Variants in HECW2 observed in about 807,000 individuals in gnomAD.
The protein encoded by HECW2 is E3 ubiquitin-protein ligase HECW2.
Under a neutral mutation model 175.2 loss-of-function variants are expected in HECW2, and 61 were observed. The ratio of observed to expected loss-of-function variants is 0.35; its 90% CI spans 0.28 to 0.43. HECW2 has a LOEUF of 0.43. HECW2 is among the 20% of genes least tolerant of loss of function. The pLI, the probability that HECW2 is intolerant of heterozygous loss-of-function variation, is 1.00. For missense variants in HECW2, 1,524 were observed against 2,000.5 expected (o/e 0.76, Z 4.54); for synonymous variants, 671 against 731.0 (o/e 0.92, Z 1.32).
intron 1 of HECW2, among the ~76,000 whole-genome samples, chr2:196,589,413 C>T (rs1691101692): frequency 6.6e-6 from 1 of 152,138 alleles, no homozygotes; most frequent in African/African-American, 2.4e-5. Flanking sequence ...CTTCATATAT[C>T]TAAGTTGGGT....
At chr2:196,400,528 A>G (rs1410787892) in intron 2 of HECW2, among the ~76,000 whole-genome samples, 3 of 152,224 alleles carry the variant, frequency 2.0e-5, no homozygotes, top group East Asian at 3.8e-4. Context: ...ATGTGCTTTC[A>G]AAGAGGTTAT....
chr2:196,231,270 G>A (rs1023708027), intron 21 of HECW2, among the ~76,000 whole-genome samples: 2 of 152,074 alleles, frequency 1.3e-5, no homozygotes, highest in African/African-American at 2.4e-5. Context: ...GACTAAGGCC[G>A]AAAGAGATCA....
chr2:196,324,241 A>C (rs896134564), intron 6 of HECW2, among the ~76,000 whole-genome samples: 3 of 152,178 alleles, frequency 2.0e-5, no homozygotes, highest in African/African-American at 7.2e-5. Context: ...CATGCCTCAG[A>C]TCTCCAAGAA....
At chr2:196,400,416 G>C (rs1434305011) in intron 2 of HECW2, among the ~76,000 whole-genome samples, 1 of 152,166 alleles carries the variant, frequency 6.6e-6, no homozygotes, top group Non-Finnish European at 1.5e-5. Flanking sequence ...TTTTGCTCTT[G>C]AGTGAAAAGA....
At chr2:196,416,070 T>G (rs1224923776) in intron 2 of HECW2, among the ~76,000 whole-genome samples, 1 of 152,218 alleles carries the variant, frequency 6.6e-6, no homozygotes, top group African/African-American at 2.4e-5. Context: ...CTTTTCTTAC[T>G]AGAGATATTA....
At chr2:196,239,045 T>C (rs1019716729) in intron 21 of HECW2, 4 of 152,214 alleles carry the variant, frequency 2.6e-5, no homozygotes, top group Admixed American at 6.5e-5. Context: ...ATACTTGGAA[T>C]CTCATGCATA....
chr2:196,582,397 T>C (rs1049074820), intron 1 of HECW2, among the ~76,000 whole-genome samples: 15 of 152,332 alleles, frequency 9.8e-5, no homozygotes, highest in Admixed American at 5.9e-4. Flanking sequence ...TGATCCTAGC[T>C]TGAGGATGCC....
At chr2:196,590,066 C>G (rs1691129054) in intron 1 of HECW2, among the ~76,000 whole-genome samples, 1 of 151,906 alleles carries the variant, frequency 6.6e-6, no homozygotes, top group African/African-American at 2.4e-5. Context: ...AAATAAAAGA[C>G]TGAAATAAGG....
chr2:196,225,435 A>T (rs16847560), intron 23 of HECW2, among the ~76,000 whole-genome samples: 12,020 of 152,256 alleles, frequency 0.079, 1,091 homozygotes, highest in African/African-American at 0.21. Context: ...AACCCACAAC[A>T]ATTCTATTAA....
At chr2:196,307,818 C>A (rs375632490) in intron 11 of HECW2, 117 bp downstream of exon 11, 10 of 974,192 alleles carry the variant, frequency 1.0e-5, no homozygotes, top group Middle Eastern at 4.6e-4. Flanking sequence ...GTAACAGCTA[C>A]ACTTTAACGA....
In HECW2 at chr2:196,321,769, G is replaced by T. The variant is rs112109601; in HGVS notation, c.884+709C>A. On this transcript the variant is annotated intron_variant, in intron 7 of 28. Transcript: ENST00000644978. ...ATCACTCCACCTCTGCCCTCTAATGGCTATTTCAGAAGGAAGATACAATGT... is the reference window on the plus strand; with the variant it reads ...ATCACTCCACCTCTGCCCTCTAATGTCTATTTCAGAAGGAAGATACAATGT... 1.4e-3 allele frequency among the ~76,000 whole-genome samples: 212 copies of T among 152,168 alleles called. 1 individual carries two copies. The highest frequency in any genetic ancestry group is 4.9e-3 in the African/African-American group (202 of 41,520).
At chr2:196,362,752 A>G (rs1167005946) in intron 2 of HECW2, among the ~76,000 whole-genome samples, 2 of 152,228 alleles carry the variant, frequency 1.3e-5, no homozygotes, top group Non-Finnish European at 2.9e-5. Context: ...GAGTTGGGGT[A>G]GGGAAATCCC....
intron 19 of HECW2, among the ~76,000 whole-genome samples, chr2:196,250,059 A>G (rs928240286): frequency 6.6e-6 from 1 of 152,230 alleles, no homozygotes; most frequent in African/African-American, 2.4e-5. Flanking sequence ...GCAGTCTTCA[A>G]GTGCATGCCT....
chr2:196,372,357 G>A (rs1049273858), intron 2 of HECW2, among the ~76,000 whole-genome samples: 8 of 152,224 alleles, frequency 5.3e-5, no homozygotes, highest in African/African-American at 1.9e-4. Context: ...GACCTGCACT[G>A]TGAACAGTAT....
intron 1 of HECW2, among the ~76,000 whole-genome samples, chr2:196,545,132 A>G (rs191667261): frequency 1.3e-4 from 20 of 152,342 alleles, no homozygotes; most frequent in African/African-American, 4.6e-4. Context: ...AAGTCAAATA[A>G]TAGAGTGACA....
At chr2:196,406,601 C>T (rs1298862853) in intron 2 of HECW2, among the ~76,000 whole-genome samples, 6 of 152,202 alleles carry the variant, frequency 3.9e-5, no homozygotes, top group Non-Finnish European at 8.8e-5. Context: ...ACCCAAACTC[C>T]TTATGTTGGT....
intron 1 of HECW2, among the ~76,000 whole-genome samples, chr2:196,512,817 G>A (rs1575620370): frequency 6.6e-6 from 1 of 151,960 alleles, no homozygotes; most frequent in East Asian, 1.9e-4. Context: ...AGTCTCCCAA[G>A]TACCTGGGAT....
intron 2 of HECW2, among the ~76,000 whole-genome samples, chr2:196,405,175 C>G (rs894502933): frequency 2.6e-5 from 4 of 152,056 alleles, no homozygotes; most frequent in Admixed American, 2.6e-4. Context: ...GTCTCCCCTT[C>G]CACTGTACTC....
intron 2 of HECW2, among the ~76,000 whole-genome samples, 181 bp from the exon 3 acceptor site, chr2:196,343,945 G>A (rs1028651842): frequency 3.3e-5 from 5 of 152,124 alleles, no homozygotes; most frequent in African/African-American, 4.8e-5. Context: ...CATTTATGTG[G>A]GAGAAAGAAG....
Sources: gnomAD v4.1 joint callset for allele counts (sites outside exome capture counted in the v4.1 genomes callset) on GRCh38, gnomAD v4.1.1 for gene constraint, MANE v1.5 for transcripts, NCBI Gene and HGNC (gene_info 2026-07-23, HGNC 2026-07-21) for gene names.